ZNF440: variants seen among roughly 807,000 people sequenced by gnomAD.
ZNF440 encodes the protein zinc finger protein 440.
Under a neutral mutation model 49.7 loss-of-function variants are expected in ZNF440, and 47 were observed. The observed-to-expected ratio is 0.95, with a 90% CI of 0.75 to 1.21. The LOEUF is 1.21. ZNF440 is among the 50% of genes most tolerant of loss of function. ZNF440 has a pLI of 0.00. For synonymous variants in ZNF440, 255 were observed against 237.7 expected, an observed-to-expected ratio of 1.07 and a Z score of -0.67; for missense variants, 703 against 715.0, an observed-to-expected ratio of 0.98 and a Z score of 0.19.
chr19:11,834,174 T>C lies in ZNF440; in HGVS notation c.*1210T>C. ...AAGAATCTCACTCTGTCACCCAGGC[T>C]GGAGTGCAGTGGCATGATCTCAGGT... On this transcript the variant is annotated 3_prime_UTR_variant, in exon 4 of 4. Transcript: ENST00000304060. 1 of 288,014 alleles carries C rather than the reference T, an allele frequency of 3.5e-6. No homozygotes were observed. Among genetic ancestry groups the C allele is most frequent in the Non-Finnish European group, 6.6e-6 (1 of 150,756 alleles). 17.8% of individuals were successfully genotyped at this position (288,014 alleles called of 1,614,324 possible).
intron 1 of ZNF440, among the ~76,000 whole-genome samples, chr19:11,824,978 AT>A (rs1975845271): frequency 6.6e-6 from 1 of 151,876 alleles, no homozygotes; most frequent in Non-Finnish European, 1.5e-5. Flanking sequence ...AAGTGCTGGG[AT>A]TACAGGCGTG....
intron 1 of ZNF440, among the ~76,000 whole-genome samples, chr19:11,818,406 A>G (rs1975758881): frequency 1.3e-5 from 2 of 152,130 alleles, no homozygotes; most frequent in African/African-American, 2.4e-5. Context: ...GTTAGTCTCA[A>G]GATGGAGCTG....
rs1975986224 is a variant in ZNF440 at position 11,833,930 on chromosome 19, G to A, written c.*966G>A. On this transcript the variant is annotated 3_prime_UTR_variant, in exon 4 of 4. Transcript: ENST00000304060. Reference sequence around the variant, plus strand: ...TTATAATAACTGTATACTAACAAATGATATTCTTTTTAAATAAGAAGCTAT... The same window carrying A: ...TTATAATAACTGTATACTAACAAATAATATTCTTTTTAAATAAGAAGCTAT... The A allele has an allele frequency of 3.5e-6, 1 of 289,540 alleles. No individual in the cohort carries two copies. Among genetic ancestry groups the A allele is most frequent in the Non-Finnish European group, 6.7e-6 (1 of 149,550 alleles). The allele number at this position is 289,540 out of a possible 1,614,324, so 17.9% of individuals were successfully genotyped here. A position where few individuals can be genotyped will look rare whatever the true frequency, so the allele number is the denominator to read the frequency against.
At chr19:11,829,737 G>C (rs933994758) in intron 1 of ZNF440, among the ~76,000 whole-genome samples, 1 of 152,118 alleles carries the variant, frequency 6.6e-6, no homozygotes, top group Non-Finnish European at 1.5e-5. Flanking sequence ...GGAGGCTGAG[G>C]CATGAGAATT....
At position 11,833,420 on chromosome 19, in the gene ZNF440, T is replaced by A; in HGVS notation, c.*456T>A. ...AGAGAAACCCTATGAATGTAAAGAA[T>A]GCAGAAAAGCATTCAGCTTGCCTAC... On this transcript the variant is annotated 3_prime_UTR_variant, in exon 4 of 4. Transcript: ENST00000304060. The A allele has an allele frequency of 2.5e-6, 1 of 402,672 alleles. No individual in the cohort carries two copies. Among genetic ancestry groups the A allele is most frequent in the Non-Finnish European group, 4.8e-6 (1 of 208,262 alleles). The allele number at this position is 402,672 out of a possible 1,614,324, so 24.9% of individuals were successfully genotyped here.
Position 11,830,674 on chromosome 19 carries a change from TC to T in ZNF440, c.189del (p.Phe63LeufsTer5). 1 of 1,613,874 alleles carries T rather than the reference TC, an allele frequency of 6.2e-7. No homozygotes were observed. The highest frequency in any genetic ancestry group is 1.1e-5 in the South Asian group (1 of 91,064). On this transcript the variant is annotated frameshift_variant and splice_region_variant, in exon 3 of 4. Transcript: ENST00000304060. LOFTEE classifies it high-confidence loss of function. ...EYEHQNPRRN[F>X]RSLIEEKVNE... is the part of the protein sequence containing the mutation. ...GAGCACCAAAACCCCAGGAGAAACT[TC>T]AGGTAATTTGTACTTACAAGACAAA...
Position 11,814,292 on chromosome 19 carries a change from A to T in ZNF440, c.-156A>T. ...ACAGTCGCCCTCCGTCCATTCCTTT[A>T]GTGCTGCGCCGACAGCGGTCAGGAT... On this transcript the variant is annotated 5_prime_UTR_variant, in exon 1 of 4. Coordinates refer to ENST00000304060, the MANE Select transcript of ZNF440 (RefSeq NM_152357.3). 2.8e-6 allele frequency: 2 copies of T among 725,700 alleles called. No homozygotes were observed. The highest frequency in any genetic ancestry group is 1.9e-5 in the African/African-American group (1 of 53,760). 45.0% of individuals were successfully genotyped at this position (725,700 alleles called of 1,614,324 possible).
In ZNF440 at chr19:11,814,410, C is replaced by A; in HGVS notation, c.-38C>A. 6.4e-7 allele frequency: 1 copy of A among 1,558,524 alleles called. No individual in the cohort carries two copies. Among genetic ancestry groups the A allele is most frequent in the Non-Finnish European group, 8.7e-7 (1 of 1,153,968 alleles). On this transcript the variant is annotated 5_prime_UTR_variant, in exon 1 of 4. Coordinates refer to ENST00000304060, the MANE Select transcript of ZNF440 (RefSeq NM_152357.3). ...CTGTGACCTACACTAGTCGCGGGAG[C>A]CACGCAGAGGACGCCGGAACACCCT...
At position 11,831,785 on chromosome 19, in the gene ZNF440, G is replaced by T; in HGVS notation, c.609G>T (p.Lys203Asn). ...MHSGDGPYKC[K>N]FCGKAFHCLR... The stretch of plus-strand genomic sequence containing the variant: ...GTGGGGATGGACCTTATAAATGTAA[G>T]TTTTGTGGGAAAGCATTCCATTGTC... The change falls in exon 4 of 4, where the codon AAG becomes AAT. Residue 203 changes from lysine (K) to asparagine (N), a missense_variant. Coordinates refer to ENST00000304060, the MANE Select transcript of ZNF440 (RefSeq NM_152357.3). 6.2e-7 allele frequency: 1 copy of T among 1,609,300 alleles called. No individual in the cohort carries two copies. The highest frequency in any genetic ancestry group is 8.5e-7 in the Non-Finnish European group (1 of 1,176,474).
chr19:11,822,984 A>G (rs1335354520), intron 1 of ZNF440, among the ~76,000 whole-genome samples: 1 of 151,934 alleles, frequency 6.6e-6, no homozygotes, highest in Non-Finnish European at 1.5e-5. Flanking sequence ...TTGCCTGTCT[A>G]TCTTAGTCAT....
Position 11,835,095 on chromosome 19 carries a change from G to T in ZNF440, c.*2131G>T, listed in dbSNP as rs532030919. Reference sequence around the variant, plus strand: ...AGACTTGGCCTTAGGGCCGAGTGCGGTGGCTCACGCCTATAATCCCAGCAC... The same window carrying T: ...AGACTTGGCCTTAGGGCCGAGTGCGTTGGCTCACGCCTATAATCCCAGCAC... On this transcript the variant is annotated 3_prime_UTR_variant, in exon 4 of 4. Coordinates refer to ENST00000304060, the MANE Select transcript of ZNF440 (RefSeq NM_152357.3). 2.6e-5 allele frequency: 4 copies of T among 152,412 alleles called. No individual in the cohort carries two copies. The highest frequency in any genetic ancestry group is 3.9e-4 in the East Asian group (2 of 5,186). 9.4% of individuals were successfully genotyped at this position (152,412 alleles called of 1,614,324 possible).
intron 1 of ZNF440, among the ~76,000 whole-genome samples, chr19:11,820,974 T>C (rs1975793046): frequency 6.6e-6 from 1 of 152,050 alleles, no homozygotes; most frequent in Non-Finnish European, 1.5e-5. Flanking sequence ...TGGGAAATAG[T>C]CAATTAGCAC....
rs373205945 is a variant in ZNF440 at position 11,832,521 on chromosome 19, A to G, written c.1345A>G (p.Ile449Val). The G allele has an allele frequency of 1.9e-5, 30 of 1,613,676 alleles. No homozygotes were observed. In the East Asian group the frequency reaches 2.9e-4, roughly 16 times the overall value. The change falls in exon 4 of 4, where the codon ATA becomes GTA. Residue 449 changes from isoleucine to valine, a missense_variant. Ile to Val is a conservative substitution (Grantham distance 29, BLOSUM62 3). Transcript: ENST00000304060. ...LQSHERTQTHIRIHSGERRYK... is the reference protein window; with the variant it reads ...LQSHERTQTHVRIHSGERRYK... The stretch of plus-strand genomic sequence containing the variant: ...AAGTCATGAAAGGACACAAACACAC[A>G]TAAGAATACACTCTGGAGAAAGACG...
At chr19:11,819,093 A>C (rs1320493403) in intron 1 of ZNF440, among the ~76,000 whole-genome samples, 5 of 151,976 alleles carry the variant, frequency 3.3e-5, no homozygotes, top group Non-Finnish European at 7.4e-5. Flanking sequence ...GGATGGCTTG[A>C]TCTCAGGAGT....
intron 3 of ZNF440, among the ~76,000 whole-genome samples, chr19:11,830,920 G>A (rs540834023): frequency 1.3e-5 from 2 of 152,246 alleles, no homozygotes; most frequent in Non-Finnish European, 2.9e-5. Context: ...AACAGCCTGG[G>A]CAACATAACG....
intron 1 of ZNF440, among the ~76,000 whole-genome samples, chr19:11,819,386 G>A (rs564267216): frequency 7.0e-6 from 1 of 142,376 alleles, no homozygotes; most frequent in South Asian, 2.2e-4. Flanking sequence ...AATTACTTGT[G>A]TTTTGTTTGT....
chr19:11,834,662 A>G lies in ZNF440; in HGVS notation c.*1698A>G, dbSNP rs1422774652. ...TATGATTTGAAATACGTTTTCCTCT[A>G]TCACATTTAAAAATATAGTTACAAA... On this transcript the variant is annotated 3_prime_UTR_variant, in exon 4 of 4. Transcript: ENST00000304060. 6.6e-6 allele frequency: 1 copy of G among 152,244 alleles called. No individual in the cohort carries two copies. The highest frequency in any genetic ancestry group is 2.4e-5 in the African/African-American group (1 of 41,470). 9.4% of individuals were successfully genotyped at this position (152,244 alleles called of 1,614,324 possible). A position where few individuals can be genotyped will look rare whatever the true frequency, so the allele number is the denominator to read the frequency against.
intron 1 of ZNF440, among the ~76,000 whole-genome samples, chr19:11,825,589 A>T (rs182750064): frequency 1.4e-4 from 22 of 152,228 alleles, no homozygotes; most frequent in African/African-American, 5.3e-4. Flanking sequence ...TGCTTCTTTC[A>T]TGTAAAAATA....
intron 3 of ZNF440, 105 bp from the exon 4 acceptor site, chr19:11,831,263 C>G: frequency 7.0e-7 from 1 of 1,425,736 alleles, no homozygotes; most frequent in South Asian, 1.4e-5. Flanking sequence ...GGCAGAAAGC[C>G]TACACTTTGA....
Sources: allele counts gnomAD v4.1 joint callset (sites outside exome capture counted in the v4.1 genomes callset), GRCh38; gene constraint gnomAD v4.1.1; transcripts MANE v1.5; gene names NCBI Gene and HGNC (gene_info 2026-07-23, HGNC 2026-07-21).